The following TAMM41 variants were observed in gnomAD, a reference collection of about 807,000 sequenced individuals.
TAMM41 encodes phosphatidate cytidylyltransferase, mitochondrial.
A neutral mutation model predicts 44.1 loss-of-function variants in TAMM41; 36 were observed. The observed-to-expected ratio is 0.82, with a 90% CI of 0.63 to 1.08. The LOEUF is 1.08. TAMM41 is among the 50% of genes least tolerant of loss of function. The probability of loss-of-function intolerance (pLI) is 0.00; values close to 1 mark genes in which losing one functional copy is unlikely to be tolerated. For missense variants in TAMM41, 417 were observed against 404.3 expected (o/e 1.03, Z -0.27); for synonymous variants, 164 against 153.1 (o/e 1.07, Z -0.53).
Position 11,844,203 on chromosome 3 carries a change from C to A in TAMM41, c.144G>T (p.Met48Ile). ...AGPSSDQKNA[M>I]LDFVFTVDDP... is the part of the protein sequence containing the mutation. ...CATCTACTGTGAACACAAAGTCCAGCATAGCATTCTGTGGAGTGAAGAAAA... is the reference window on the plus strand; with the variant it reads ...CATCTACTGTGAACACAAAGTCCAGAATAGCATTCTGTGGAGTGAAGAAAA... Residue 48 changes from methionine to isoleucine, a missense_variant, in exon 2 of 8, where the codon ATG becomes ATT. Transcript: ENST00000455809. 1 of 1,613,912 alleles carries A rather than the reference C, an allele frequency of 6.2e-7. No homozygotes were observed.
chr3:11,736,058 T>C, the TAMM41 span, among the ~76,000 whole-genome samples: 1 of 152,202 alleles, frequency 6.6e-6, no homozygotes, highest in East Asian at 1.9e-4. Flanking sequence ...AAAACAAACC[T>C]ATTTCCTCGT....
the TAMM41 span, among the ~76,000 whole-genome samples, chr3:11,745,997 T>C: frequency 6.6e-6 from 1 of 152,126 alleles, no homozygotes; most frequent in Non-Finnish European, 1.5e-5. Flanking sequence ...TTTGGCACTT[T>C]TTATAAACAT....
At chr3:11,753,754 A>G in the TAMM41 span, among the ~76,000 whole-genome samples, 1 of 151,902 alleles carries the variant, frequency 6.6e-6, no homozygotes, top group Non-Finnish European at 1.5e-5. Flanking sequence ...AAAATAAAAT[A>G]AACTGGCTGT....
the TAMM41 span, among the ~76,000 whole-genome samples, chr3:11,732,989 G>GTTTTTTTTTTTTTTT: frequency 7.8e-6 from 1 of 128,462 alleles, no homozygotes. Flanking sequence ...TATGATTTGA[G>GTTTTTTTTTTTTTTT]TTTTTTTTTT....
downstream of TAMM41, chr3:11,790,441 G>A (rs1339237098): frequency 7.0e-6 from 10 of 1,421,054 alleles, no homozygotes; most frequent in Non-Finnish European, 9.9e-6. Flanking sequence ...AACAAACACT[G>A]TTCTGTCAAA....
chr3:11,803,905 T>C (rs1194782630), intron 7 of TAMM41, among the ~76,000 whole-genome samples: 2 of 152,200 alleles, frequency 1.3e-5, no homozygotes, highest in African/African-American at 2.4e-5. Flanking sequence ...GCATACAGAA[T>C]AGAATGACAC....
intron 2 of TAMM41, among the ~76,000 whole-genome samples, chr3:11,841,738 A>G (rs1165657323): frequency 6.6e-6 from 1 of 152,028 alleles, no homozygotes; most frequent in Non-Finnish European, 1.5e-5. Context: ...TTTCCCCCCA[A>G]CTCCAGCAGC....
At chr3:11,776,961 A>C in the TAMM41 span, among the ~76,000 whole-genome samples, 1 of 152,226 alleles carries the variant, frequency 6.6e-6, no homozygotes, top group Non-Finnish European at 1.5e-5. Flanking sequence ...TCAAACTCAT[A>C]AACACAGTAG....
chr3:11,741,271 C>G, the TAMM41 span, among the ~76,000 whole-genome samples: 1 of 143,282 alleles, frequency 7.0e-6, no homozygotes, highest in Non-Finnish European at 1.5e-5. Context: ...CTGGTGTGGG[C>G]TACTGTTTCC....
At chr3:11,823,687 G>A (rs1359498808) in intron 4 of TAMM41, among the ~76,000 whole-genome samples, 1 of 131,748 alleles carries the variant, frequency 7.6e-6, no homozygotes, top group Non-Finnish European at 1.6e-5. Flanking sequence ...TTTAGACAGA[G>A]TCTCACTCTG....
intron 4 of TAMM41, among the ~76,000 whole-genome samples, chr3:11,817,789 T>A (rs2078342030): frequency 6.6e-6 from 1 of 152,206 alleles, no homozygotes; most frequent in Non-Finnish European, 1.5e-5. Context: ...AGGCACTTGA[T>A]GAATATAATC....
chr3:11,813,902 A>G (rs1473116406), intron 5 of TAMM41, among the ~76,000 whole-genome samples: 1 of 147,308 alleles, frequency 6.8e-6, no homozygotes, highest in African/African-American at 2.6e-5. Context: ...GTATATATGT[A>G]TATATGTGTG....
intron 2 of TAMM41, among the ~76,000 whole-genome samples, chr3:11,843,059 C>T (rs1348096419): frequency 6.6e-6 from 1 of 152,226 alleles, no homozygotes; most frequent in Non-Finnish European, 1.5e-5. Flanking sequence ...CAACAGCCCA[C>T]TGTCAAATTC....
chr3:11,825,731 C>T lies in TAMM41; in HGVS notation c.562+3983G>A, dbSNP rs1030962528. Among the ~76,000 whole-genome samples the T allele has an allele frequency of 3.3e-5, 5 of 152,206 alleles. No homozygotes were observed. In the South Asian group the frequency reaches 6.2e-4, roughly 19 times the overall value. ...TTTTTCATTCCATGAGGACCTTAAC[C>T]GGCCAGATGAAATGGGGCTGTCATG... On this transcript the variant is annotated intron_variant, in intron 4 of 7. Transcript: ENST00000455809.
chr3:11,760,281 G>T, the TAMM41 span, among the ~76,000 whole-genome samples: 2 of 152,156 alleles, frequency 1.3e-5, no homozygotes, highest in African/African-American at 4.8e-5. Flanking sequence ...ACTTGCCAAG[G>T]TGCTCTCTCC....
At chr3:11,752,246 T>C in the TAMM41 span, among the ~76,000 whole-genome samples, 1 of 151,910 alleles carries the variant, frequency 6.6e-6, no homozygotes, top group East Asian at 1.9e-4. Flanking sequence ...CGGCGGTGAG[T>C]GTTACAGCTC....
the TAMM41 span, among the ~76,000 whole-genome samples, chr3:11,743,417 T>C: frequency 2.0e-5 from 3 of 151,004 alleles, no homozygotes; most frequent in African/African-American, 4.9e-5. Flanking sequence ...CACTACAACC[T>C]CTGCCTCCAG....
chr3:11,831,850 G>A (rs2078994235), intron 3 of TAMM41, among the ~76,000 whole-genome samples: 1 of 152,050 alleles, frequency 6.6e-6, no homozygotes, highest in Admixed American at 6.6e-5. Context: ...ATATATGGTA[G>A]GTAAGCCACT....
intron 7 of TAMM41, among the ~76,000 whole-genome samples, chr3:11,793,230 C>A (rs770665727): frequency 3.9e-5 from 6 of 152,086 alleles, no homozygotes; most frequent in African/African-American, 9.7e-5. Context: ...ATAGACGCTT[C>A]ACAAAAGAGC....
Sources: allele counts gnomAD v4.1 joint callset (sites outside exome capture counted in the v4.1 genomes callset), GRCh38; gene constraint gnomAD v4.1.1; transcripts MANE v1.5; gene names NCBI Gene and HGNC (gene_info 2026-07-23, HGNC 2026-07-21).